Variants in DNAH6 observed in about 807,000 individuals in gnomAD.
DNAH6 encodes the protein dynein axonemal heavy chain 6.
Under a neutral mutation model 491.4 loss-of-function variants are expected in DNAH6, and 340 were observed. The observed-to-expected ratio is 0.69, with a 90% CI of 0.63 to 0.76. The LOEUF (loss-of-function observed/expected upper bound fraction) is 0.76, where lower values mean the gene tolerates loss of function less well. Among genes scored for constraint, DNAH6 ranks in the 30% least tolerant of loss-of-function variants. DNAH6 has a pLI of 0.00. For synonymous variants in DNAH6, 1,603 were observed against 1,686.1 expected (o/e 0.95, Z 1.21); for missense variants, 4,443 against 4,972.2 (o/e 0.89, Z 3.20).
chr2:84,696,678 AAAT>A (rs1695424037), intron 46 of DNAH6, among the ~76,000 whole-genome samples: 1 of 152,112 alleles, frequency 6.6e-6, no homozygotes. Context: ...GAAGAAAACA[AAAT>A]AACAGATATC....
chr2:84,630,180 A>G (rs540280869), intron 29 of DNAH6, among the ~76,000 whole-genome samples: 22 of 152,308 alleles, frequency 1.4e-4, no homozygotes, highest in Admixed American at 2.6e-4. Flanking sequence ...TAATAAATGC[A>G]GAAGGGATGA....
At chr2:84,482,909 G>A in the DNAH6 span, among the ~76,000 whole-genome samples, 1 of 152,098 alleles carries the variant, frequency 6.6e-6, no homozygotes, top group African/African-American at 2.4e-5. Flanking sequence ...CAGACAAGTG[G>A]GAGGTAAACA....
chr2:84,551,286 C>T (rs116455161), intron 9 of DNAH6, among the ~76,000 whole-genome samples: 3,677 of 152,178 alleles, frequency 0.024, 71 homozygotes, highest in Middle Eastern at 0.037. Flanking sequence ...TTAAAAGTCA[C>T]ATTTATTTTT....
At chr2:84,783,618 A>C (rs375846562) in intron 65 of DNAH6, among the ~76,000 whole-genome samples, 1 of 152,378 alleles carries the variant, frequency 6.6e-6, no homozygotes, top group East Asian at 1.9e-4. Flanking sequence ...AAGAAGCATG[A>C]AATCAGCTTT....
In DNAH6 at chr2:84,588,925, C is replaced by A; in HGVS notation, c.2581C>A (p.Gln861Lys). 1 of 1,548,844 alleles carries A rather than the reference C, an allele frequency of 6.5e-7. No homozygotes were observed. Among genetic ancestry groups the A allele is most frequent in the South Asian group, 1.2e-5 (1 of 83,248 alleles). Residue 861 changes from glutamine (Q) to lysine (K), a missense_variant, in exon 16 of 77, where the codon CAG (glutamine) becomes AAG (lysine). Physicochemically the swap from Gln to Lys is moderately conservative, Grantham distance 53. Around this residue, in one of 3 missense-constraint regions of DNAH6, gnomAD observed 2,977 missense variants for 3,296.6 expected, o/e 0.90. Transcript: ENST00000389394. ...GGCTGATCTTCAGAAACGTGCATTTCAGTATAAGTCCTATCAGAAGAATTT... is the reference window on the plus strand; with the variant it reads ...GGCTGATCTTCAGAAACGTGCATTTAAGTATAAGTCCTATCAGAAGAATTT... ...VLADLQKRAF[Q>K]YKSYQKNFKV...
intron 14 of DNAH6, among the ~76,000 whole-genome samples, chr2:84,583,603 A>G (rs1683252691): frequency 6.6e-6 from 1 of 152,184 alleles, no homozygotes; most frequent in Non-Finnish European, 1.5e-5. Context: ...TTGAATTCCT[A>G]CATGTCAAAG....
intron 62 of DNAH6, among the ~76,000 whole-genome samples, chr2:84,737,059 A>G (rs1307511125): frequency 6.6e-6 from 1 of 152,076 alleles, no homozygotes; most frequent in Non-Finnish European, 1.5e-5. Context: ...ATTTTATCAA[A>G]TGCTTTTCCT....
intron 11 of DNAH6, among the ~76,000 whole-genome samples, chr2:84,572,339 C>G (rs1186590997): frequency 6.6e-6 from 1 of 152,172 alleles, no homozygotes; most frequent in Non-Finnish European, 1.5e-5. Context: ...CAGTAACACT[C>G]TTGTGAATCA....
At chr2:84,481,663 G>A in the DNAH6 span, among the ~76,000 whole-genome samples, 3 of 152,162 alleles carry the variant, frequency 2.0e-5, no homozygotes, top group East Asian at 5.8e-4. Context: ...AAACACCAAG[G>A]AGGTCAGCTG....
At chr2:84,724,879 G>A (rs764842640) in intron 60 of DNAH6, among the ~76,000 whole-genome samples, 1 of 152,204 alleles carries the variant, frequency 6.6e-6, no homozygotes, top group Non-Finnish European at 1.5e-5. Context: ...ACAGTCTGTT[G>A]GTCAATCAAA....
At position 84,718,227 on chromosome 2, in the gene DNAH6, C is replaced by T. The variant is rs751626276; in HGVS notation, c.9635C>T (p.Pro3212Leu). The change falls in exon 59 of 77, where the codon CCC becomes CTC. Residue 3212 changes from proline (P) to leucine (L), a missense_variant. Physicochemically the swap from Pro to Leu is moderately conservative, Grantham distance 98 (BLOSUM62 -3). Transcript: ENST00000389394. ...LLSDVVRLEK[P>L]RLEEQRIKLI... The stretch of plus-strand genomic sequence containing the variant: ...AGTGATGTGGTGCGACTTGAAAAAC[C>T]CAGGTTGGAAGAACAAAGAATTAAG... 2.5e-5 allele frequency: 39 copies of T among 1,534,950 alleles called. No homozygotes were observed. In the South Asian group the frequency reaches 4.6e-4, roughly 18 times the overall value.
chr2:84,716,090 T>C (rs939382450), intron 58 of DNAH6, among the ~76,000 whole-genome samples: 6 of 150,666 alleles, frequency 4.0e-5, no homozygotes, highest in Non-Finnish European at 7.4e-5. Context: ...TGTGTGTGTA[T>C]ATATATGTAT....
In DNAH6 at chr2:84,710,330, A is replaced by G; in HGVS notation, c.9296A>G (p.Lys3099Arg). 1 of 1,551,720 alleles carries G rather than the reference A, an allele frequency of 6.4e-7. No homozygotes were observed. The highest frequency in any genetic ancestry group is 8.7e-7 in the Non-Finnish European group (1 of 1,146,978). ...AACAAGGAAAGCAAAAGTGGTTTAAAGATCATTAAGCTTACAGATAGTAAT... is the reference window on the plus strand; with the variant it reads ...AACAAGGAAAGCAAAAGTGGTTTAAGGATCATTAAGCTTACAGATAGTAAT... ...IRNKESKSGL[K>R]IIKLTDSNFL... Residue 3099 changes from lysine to arginine, a missense_variant, in exon 56 of 77, where the codon AAG becomes AGG. Lys to Arg is a conservative substitution (Grantham distance 26). Around this residue, in one of 3 missense-constraint regions of DNAH6, gnomAD observed 1,463 missense variants for 1,656.6 expected, o/e 0.88. Coordinates refer to ENST00000389394, the MANE Select transcript of DNAH6 (RefSeq NM_001370.2).
chr2:84,773,480 G>A (rs1405153599), intron 64 of DNAH6, among the ~76,000 whole-genome samples: 1 of 152,020 alleles, frequency 6.6e-6, no homozygotes, highest in East Asian at 1.9e-4. Flanking sequence ...CAGAATCTAG[G>A]TTGACTGAAT....
intron 42 of DNAH6, 123 bp downstream of exon 42, chr2:84,681,651 G>C (rs1453270600): frequency 6.2e-6 from 5 of 806,724 alleles, no homozygotes; most frequent in Admixed American, 8.2e-5. Context: ...CCCATCACCT[G>C]TTCCTATTCA....
chr2:84,607,196 A>G (rs1685854006), intron 21 of DNAH6, 101 bp downstream of exon 21: 1 of 1,204,254 alleles, frequency 8.3e-7, no homozygotes. Context: ...ATGGTTTTAA[A>G]ATGTAAGTTT....
At chr2:84,808,668 C>G in intron 72 of DNAH6, 126 bp downstream of exon 72, 1 of 881,972 alleles carries the variant, frequency 1.1e-6, no homozygotes. Flanking sequence ...ACTCTTCAAG[C>G]CCAATGAGTC....
intron 21 of DNAH6, among the ~76,000 whole-genome samples, chr2:84,611,235 A>T (rs1467989401): frequency 1.4e-5 from 2 of 145,094 alleles, no homozygotes; most frequent in Non-Finnish European, 3.0e-5. Context: ...TTTTTTAAAA[A>T]AATTTTCTTT....
intron 14 of DNAH6, among the ~76,000 whole-genome samples, chr2:84,582,823 A>G (rs1683164784): frequency 6.6e-6 from 1 of 152,238 alleles, no homozygotes; most frequent in Non-Finnish European, 1.5e-5. Context: ...CTATTTCTCT[A>G]AAAGCCTGTC....
Sources: allele counts gnomAD v4.1 joint callset (sites outside exome capture counted in the v4.1 genomes callset), GRCh38; gene constraint gnomAD v4.1.1; regional missense constraint gnomAD v4.1.1; transcripts MANE v1.5; gene names NCBI Gene and HGNC (gene_info 2026-07-23, HGNC 2026-07-21).